ZNF177: variants seen among roughly 807,000 people sequenced by gnomAD.
The protein encoded by ZNF177 is zinc finger protein 177.
In ZNF177, 17 loss-of-function variants were observed where a neutral mutation model predicts 19.4. That is an observed-to-expected ratio of 0.87 (90% CI 0.60 to 1.31). The LOEUF (loss-of-function observed/expected upper bound fraction) is 1.31, where lower values mean the gene tolerates loss of function less well. Among genes scored for constraint, ZNF177 ranks in the 40% most tolerant of loss-of-function variants. ZNF177 has a pLI of 0.00. For missense variants in ZNF177, 633 were observed against 561.8 expected (o/e 1.13, Z -1.28); for synonymous variants, 220 against 188.7 (o/e 1.17, Z -1.36).
At chr19:9,381,480 TAAG>T in exon 6 of ZNF177, 3 of 1,611,712 alleles carry the variant, frequency 1.9e-6, no homozygotes, top group East Asian at 4.5e-5. Flanking sequence ...AGTCATCCCT[TAAG>T]AAACACACAC....
In ZNF177 at chr19:9,381,599, C is replaced by CA. The variant is rs1249566615; in HGVS notation, c.1268_1269insA (p.Tyr424LeufsTer2). The CA allele has an allele frequency of 6.2e-7, 1 of 1,614,094 alleles. No individual in the cohort carries two copies. Among genetic ancestry groups the CA allele is most frequent in the Non-Finnish European group, 8.5e-7 (1 of 1,179,998 alleles). On this transcript the variant is annotated frameshift_variant, in exon 6 of 6. Coordinates refer to ENST00000589262, the Ensembl canonical transcript of ZNF177. LOFTEE classifies it low-confidence loss of function (END_TRUNC). ...AAGAGAACTCACACTGGTGAGAAAA[C>CA]CTATGAGTGTAAAGAATGTGGGAAG...
At chr19:9,369,049 A>G (rs1284674301) in intron 2 of ZNF177, among the ~76,000 whole-genome samples, 1 of 152,088 alleles carries the variant, frequency 6.6e-6, no homozygotes, top group Non-Finnish European at 1.5e-5. Context: ...TGGAAGGTTT[A>G]AGACTGGCTT....
At chr19:9,365,323 AAG>A (rs1309342345) in intron 2 of ZNF177, among the ~76,000 whole-genome samples, 1 of 151,876 alleles carries the variant, frequency 6.6e-6, no homozygotes, top group Non-Finnish European at 1.5e-5. Context: ...GCCCAGAAAA[AAG>A]AGAGAGTAGA....
chr19:9,373,144 C>T (rs972142832), upstream of ZNF177, among the ~76,000 whole-genome samples: 5 of 152,292 alleles, frequency 3.3e-5, no homozygotes, highest in Admixed American at 2.6e-4. Context: ...TGACCAACAT[C>T]TCCCCATTTC....
intron 2 of ZNF177, among the ~76,000 whole-genome samples, chr19:9,366,729 A>G (rs1599382827): frequency 6.6e-6 from 1 of 152,204 alleles, no homozygotes; most frequent in Non-Finnish European, 1.5e-5. Context: ...CTTGTTCATG[A>G]GACGAACTTT....
At chr19:9,365,877 T>C (rs10423538) in intron 2 of ZNF177, among the ~76,000 whole-genome samples, 83,034 of 151,898 alleles carry the variant, frequency 0.55, 22,870 homozygotes, top group Middle Eastern at 0.62. Context: ...TGATTTAAAA[T>C]TGGATTGATG....
intron 2 of ZNF177, among the ~76,000 whole-genome samples, chr19:9,365,712 C>G (rs914769470): frequency 1.3e-5 from 2 of 151,776 alleles, no homozygotes; most frequent in African/African-American, 4.8e-5. Context: ...AGTTTTGGGT[C>G]CATGGATAAA....
At chr19:9,378,826 G>C in intron 2 of ZNF177, 136 bp from the exon 5 acceptor site, 1 of 1,325,870 alleles carries the variant, frequency 7.5e-7, no homozygotes, top group South Asian at 2.0e-5. Context: ...CAAATTAAGA[G>C]AAGGCCTCTG....
upstream of ZNF177, among the ~76,000 whole-genome samples, chr19:9,375,772 A>G (rs2068101275): frequency 6.6e-6 from 1 of 152,102 alleles, no homozygotes; most frequent in Non-Finnish European, 1.5e-5. Flanking sequence ...TACAACCAAC[A>G]TTCAGTTTCA....
In ZNF177 at chr19:9,365,910, G is replaced by C. The variant is rs553198827; in HGVS notation, c.-305+962G>C. Among the ~76,000 whole-genome samples, 12 of 152,260 alleles carry C rather than the reference G, an allele frequency of 7.9e-5. 1 individual carries two copies. Among genetic ancestry groups the C allele is most frequent in the African/African-American group, 2.6e-4 (11 of 41,536 alleles). On this transcript the variant is annotated intron_variant, in intron 2 of 8. Transcript: ENST00000343499. Reference sequence around the variant, plus strand: ...ATGTTCCTTGGCTGGTCGGTCTGAGGACCTGAGGTCATAGGTGGATCTTTC... The same window carrying C: ...ATGTTCCTTGGCTGGTCGGTCTGAGCACCTGAGGTCATAGGTGGATCTTTC...
intron 1 of ZNF177, among the ~76,000 whole-genome samples, chr19:9,377,535 C>T (rs565416912): frequency 6.6e-6 from 1 of 152,116 alleles, no homozygotes; most frequent in Non-Finnish European, 1.5e-5. Context: ...ACTCAAGATC[C>T]TAACCCTATT....
At chr19:9,378,994 C>T (rs549985196) in exon 3 of ZNF177, 9 of 1,609,442 alleles carry the variant, frequency 5.6e-6, no homozygotes, top group Middle Eastern at 1.7e-4. Flanking sequence ...TGGCAGTGGA[C>T]TTTTCCCAGG....
chr19:9,381,973 TCA>T, exon 6 of ZNF177: 3 of 783,676 alleles, frequency 3.8e-6, no homozygotes, highest in Non-Finnish European at 5.7e-6. Context: ...CTTATATGTG[TCA>T]CAACTGTAGA....
chr19:9,380,829 T>C (rs1203338059), exon 6 of ZNF177: 4 of 1,536,100 alleles, frequency 2.6e-6, no homozygotes, highest in South Asian at 2.4e-5. Flanking sequence ...TTAGGAGTCA[T>C]GTGAGCATTC....
chr19:9,369,831 G>A (rs2068025479), intron 2 of ZNF177, among the ~76,000 whole-genome samples: 1 of 151,884 alleles, frequency 6.6e-6, no homozygotes, highest in Non-Finnish European at 1.5e-5. Context: ...TCAATATTGT[G>A]AGTCCCCAGT....
At chr19:9,366,384 G>A (rs1012016431) in intron 2 of ZNF177, among the ~76,000 whole-genome samples, 3 of 152,192 alleles carry the variant, frequency 2.0e-5, no homozygotes, top group South Asian at 4.2e-4. Flanking sequence ...AGCCTCCCGA[G>A]TAGGTAGGAC....
At chr19:9,373,062 T>A (rs2068067675), upstream of ZNF177, among the ~76,000 whole-genome samples, 1 of 152,178 alleles carries the variant, frequency 6.6e-6, no homozygotes, top group East Asian at 1.9e-4. Flanking sequence ...AGTACATCAT[T>A]AACTATAGTC....
At chr19:9,375,390 A>AT (rs1303663425), upstream of ZNF177, among the ~76,000 whole-genome samples, 2 of 151,998 alleles carry the variant, frequency 1.3e-5, no homozygotes, top group African/African-American at 4.8e-5. Context: ...CTCCTTTTCC[A>AT]TTTTTTTGGA....
exon 6 of ZNF177, chr19:9,381,953 G>A: frequency 3.1e-6 from 3 of 958,204 alleles, no homozygotes; most frequent in Non-Finnish European, 2.9e-6. Flanking sequence ...TTATCAGTGA[G>A]TATTTCATTC....
Sources: allele counts gnomAD v4.1 joint callset (sites outside exome capture counted in the v4.1 genomes callset), GRCh38; gene constraint gnomAD v4.1.1; transcripts MANE v1.5; gene names NCBI Gene and HGNC (gene_info 2026-07-23, HGNC 2026-07-21).